The following CSMD1 variants were observed in gnomAD, a reference collection of about 807,000 sequenced individuals.
CSMD1 encodes the protein CUB and sushi domain-containing protein 1.
A neutral mutation model predicts 417.5 loss-of-function variants in CSMD1; 213 were observed. The observed-to-expected ratio is 0.51, with a 90% CI of 0.46 to 0.57. The LOEUF is 0.57. Among genes scored for constraint, CSMD1 ranks in the 20% least tolerant of loss-of-function variants. The probability of loss-of-function intolerance (pLI) is 0.00; values close to 1 mark genes in which losing one functional copy is unlikely to be tolerated. For missense variants in CSMD1, 6,923 were observed against 4,529.7 expected (o/e 1.53, Z -15.17); for synonymous variants, 2,862 against 1,736.8 (o/e 1.65, Z -16.11).
intron 5 of CSMD1, among the ~76,000 whole-genome samples, chr8:3,944,269 A>G (rs1415222384): frequency 6.6e-6 from 1 of 152,160 alleles, no homozygotes; most frequent in African/African-American, 2.4e-5. Context: ...AAGAGAGAGC[A>G]AAGTAGAGAA....
intron 1 of CSMD1, among the ~76,000 whole-genome samples, chr8:4,937,713 G>C (rs1028239652): frequency 2.0e-5 from 3 of 152,054 alleles, no homozygotes; most frequent in African/African-American, 7.2e-5. Flanking sequence ...ACGATTTCTT[G>C]ACTTTACGCC....
At chr8:4,666,362 C>T (rs1025771402) in intron 1 of CSMD1, among the ~76,000 whole-genome samples, 6 of 152,094 alleles carry the variant, frequency 3.9e-5, no homozygotes, top group Non-Finnish European at 7.4e-5. Flanking sequence ...AAGAGGGAGG[C>T]AGAGTCAGTG....
intron 5 of CSMD1, among the ~76,000 whole-genome samples, chr8:3,808,114 T>C (rs1800851869): frequency 6.6e-6 from 1 of 152,164 alleles, no homozygotes; most frequent in Non-Finnish European, 1.5e-5. Context: ...CTCAGCCACG[T>C]CACTCAGGAA....
intron 4 of CSMD1, among the ~76,000 whole-genome samples, chr8:4,017,331 G>C (rs1003276180): frequency 6.6e-6 from 1 of 152,074 alleles, no homozygotes; most frequent in Non-Finnish European, 1.5e-5. Flanking sequence ...GGAGGACAAA[G>C]TTTCGCTCTT....
intron 1 of CSMD1, among the ~76,000 whole-genome samples, chr8:4,714,196 C>T (rs372576158): frequency 6.6e-6 from 1 of 152,010 alleles, no homozygotes; most frequent in African/African-American, 2.4e-5. Flanking sequence ...CACCAAGCTC[C>T]ACGTCCACCG....
chr8:3,531,822 C>T (rs1797992971), intron 10 of CSMD1, among the ~76,000 whole-genome samples: 1 of 152,342 alleles, frequency 6.6e-6, no homozygotes, highest in East Asian at 1.9e-4. Context: ...GGGATGCCAG[C>T]AGTTGCACAG....
intron 1 of CSMD1, among the ~76,000 whole-genome samples, chr8:4,682,765 A>C (rs2130982444): frequency 6.6e-6 from 1 of 151,552 alleles, no homozygotes; most frequent in South Asian, 2.1e-4. Flanking sequence ...AAATAGTTTA[A>C]ATCCTTCAGT....
At chr8:4,165,226 A>C (rs1409983804) in intron 3 of CSMD1, among the ~76,000 whole-genome samples, 1 of 152,208 alleles carries the variant, frequency 6.6e-6, no homozygotes, top group African/African-American at 2.4e-5. Context: ...TCCAGGTGTC[A>C]CTGTTCTTTT....
intron 3 of CSMD1, among the ~76,000 whole-genome samples, chr8:4,221,771 GA>G (rs930487127): frequency 1.3e-5 from 2 of 152,240 alleles, no homozygotes; most frequent in African/African-American, 4.8e-5. Flanking sequence ...GAGATTAAAA[GA>G]AAATATACAT....
At chr8:4,452,288 TAAC>T (rs1169471562) in intron 2 of CSMD1, among the ~76,000 whole-genome samples, 7 of 152,200 alleles carry the variant, frequency 4.6e-5, no homozygotes, top group East Asian at 1.9e-4. Context: ...TGACTTGTCT[TAAC>T]AACTATTTAG....
At chr8:3,896,731 C>G (rs1052627593) in intron 5 of CSMD1, among the ~76,000 whole-genome samples, 3 of 151,772 alleles carry the variant, frequency 2.0e-5, no homozygotes, top group Non-Finnish European at 2.9e-5. Flanking sequence ...AGGATGGTCT[C>G]GATCCTGAAT....
chr8:4,677,373 G>C lies in CSMD1; in HGVS notation c.86-39815C>G, dbSNP rs535210165. On this transcript the variant is annotated intron_variant, in intron 1 of 69. Transcript: ENST00000635120. ...CCTATTTATTTATCTTGGATAATGGGACAGAGTTTCAACATAAGGCATTTG... is the reference window on the plus strand; with the variant it reads ...CCTATTTATTTATCTTGGATAATGGCACAGAGTTTCAACATAAGGCATTTG... Among the ~76,000 whole-genome samples, 27 of 151,984 alleles carry C rather than the reference G, an allele frequency of 1.8e-4. No homozygotes were observed. In the South Asian group the frequency reaches 5.4e-3, roughly 30 times the overall value.
Position 2,974,490 on chromosome 8 carries a change from C to T in CSMD1, c.8701G>A (p.Glu2901Lys). ...LIGNDTRVCQ[E>K]DSHWSGALPH... The stretch of plus-strand genomic sequence containing the variant: ...AGTGCCCCGCTCCAGTGACTGTCTT[C>T]CTGGCACACTCTCGTGTCGTTGCCT... The change falls in exon 56 of 70, where the codon GAA becomes AAA. Residue 2901 changes from glutamate (E) to lysine (K), a missense_variant. Coordinates refer to ENST00000635120, the MANE Select transcript of CSMD1 (RefSeq NM_033225.6). 1.2e-6 allele frequency: 2 copies of T among 1,613,122 alleles called. No homozygotes were observed. Among genetic ancestry groups the T allele is most frequent in the Non-Finnish European group, 1.7e-6 (2 of 1,179,238 alleles).
chr8:4,403,421 T>A (rs1804788199), intron 3 of CSMD1, among the ~76,000 whole-genome samples: 1 of 151,996 alleles, frequency 6.6e-6, no homozygotes, highest in East Asian at 1.9e-4. Context: ...GAAGTAAGAG[T>A]TTCACACCTG....
At chr8:3,305,054 T>TATTTACTTAA (rs1345248707) in intron 25 of CSMD1, among the ~76,000 whole-genome samples, 1 of 152,134 alleles carries the variant, frequency 6.6e-6, no homozygotes, top group Non-Finnish European at 1.5e-5. Context: ...TTAATTAATT[T>TATTTACTTAA]ATTTACTTAA....
chr8:3,440,826 G>A (rs181003303), intron 12 of CSMD1, among the ~76,000 whole-genome samples: 263 of 152,220 alleles, frequency 1.7e-3, no homozygotes, highest in Admixed American at 3.2e-3. Flanking sequence ...AACTGAGGAC[G>A]ACCCATTTCC....
At chr8:3,238,171 T>A (rs1485731011) in intron 26 of CSMD1, among the ~76,000 whole-genome samples, 3 of 151,602 alleles carry the variant, frequency 2.0e-5, no homozygotes, top group South Asian at 4.2e-4. Flanking sequence ...GGGGGGTTGT[T>A]CTCTGGTGGG....
At chr8:4,612,267 A>AT (rs1440941222) in intron 2 of CSMD1, among the ~76,000 whole-genome samples, 1 of 152,220 alleles carries the variant, frequency 6.6e-6, no homozygotes, top group East Asian at 1.9e-4. Flanking sequence ...AAAATAAATG[A>AT]AGAGATCCCA....
At chr8:3,723,491 A>G (rs973220636) in intron 6 of CSMD1, among the ~76,000 whole-genome samples, 4 of 152,168 alleles carry the variant, frequency 2.6e-5, no homozygotes, top group African/African-American at 4.8e-5. Flanking sequence ...TTCTCTTCAG[A>G]TATTCCGAAA....
Sources: allele counts gnomAD v4.1 joint callset (sites outside exome capture counted in the v4.1 genomes callset), GRCh38; gene constraint gnomAD v4.1.1; transcripts MANE v1.5; gene names NCBI Gene and HGNC (gene_info 2026-07-23, HGNC 2026-07-21).